Variants in GATB observed in about 807,000 individuals in gnomAD.
GATB encodes the protein glutamyl-tRNA amidotransferase subunit B.
GATB carries 39 observed loss-of-function variants against 62.3 expected under a neutral mutation model. The ratio of observed to expected loss-of-function variants is 0.63; its 90% confidence interval spans 0.48 to 0.82. The LOEUF (loss-of-function observed/expected upper bound fraction) is 0.82. Ranked by LOEUF, GATB falls within the 40% of genes least tolerant of loss-of-function variation. The pLI is 0.00. For synonymous variants in GATB, 276 were observed against 258.9 expected (o/e 1.07, Z -0.63); for missense variants, 670 against 684.0 (o/e 0.98, Z 0.23).
intron 10 of GATB, among the ~76,000 whole-genome samples, chr4:151,680,832 T>C (rs780278913): frequency 7.2e-5 from 11 of 152,218 alleles, no homozygotes; most frequent in Non-Finnish European, 1.2e-4. Context: ...CCAGTGAGCA[T>C]TTCCTTTGCA....
At chr4:151,735,736 G>GTATATATATATATATA (rs137893198) in intron 2 of GATB, among the ~76,000 whole-genome samples, 2 of 104,064 alleles carry the variant, frequency 1.9e-5, no homozygotes, top group African/African-American at 8.6e-5. Flanking sequence ...AAACTGTGGT[G>GTATATATATATATATA]TATATATATA....
At chr4:151,690,425 AGGAAGTTCTGCTTAACTTAT>A (rs1738340367) in intron 9 of GATB, among the ~76,000 whole-genome samples, 2 of 152,264 alleles carry the variant, frequency 1.3e-5, no homozygotes, top group South Asian at 4.1e-4. Flanking sequence ...CAACTTGAAG[AGGAAGTTCTGCTTAACTTAT>A]GGAAAAGTAT....
intron 2 of GATB, among the ~76,000 whole-genome samples, chr4:151,740,364 T>C (rs1739459637): frequency 6.6e-6 from 1 of 152,250 alleles, no homozygotes. Flanking sequence ...ACACCTAGGC[T>C]ACAGGGTATA....
At chr4:151,699,762 T>G (rs1738561032) in intron 9 of GATB, among the ~76,000 whole-genome samples, 1 of 150,386 alleles carries the variant, frequency 6.6e-6, no homozygotes, top group African/African-American at 2.5e-5. Flanking sequence ...TTCACTCTCT[T>G]ATGGAGACAG....
rs117864900 is a variant in GATB at position 151,686,192 on chromosome 4, C to T, written c.1331+2438G>A. Among the ~76,000 whole-genome samples the T allele has an allele frequency of 6.8e-4, 103 of 152,244 alleles. 1 individual carries two copies. In the East Asian group the frequency reaches 0.017, roughly 25 times the overall value. Reference sequence around the variant, plus strand: ...ACACCGAGGCCCACAACGTGCCGGGCACTGTGACTTTTTCCCTCAAAAGCT... The same window carrying T: ...ACACCGAGGCCCACAACGTGCCGGGTACTGTGACTTTTTCCCTCAAAAGCT... On this transcript the variant is annotated intron_variant, in intron 10 of 12. Transcript: ENST00000263985.
At chr4:151,702,414 C>T (rs1441140526) in intron 8 of GATB, among the ~76,000 whole-genome samples, 1 of 152,130 alleles carries the variant, frequency 6.6e-6, no homozygotes, top group Non-Finnish European at 1.5e-5. Context: ...CAGTGTGACA[C>T]GATGGTGGAT....
intron 10 of GATB, 37 bp downstream of exon 10, chr4:151,688,593 A>G (rs771268620): frequency 6.3e-7 from 1 of 1,583,790 alleles, no homozygotes; most frequent in Admixed American, 1.9e-5. Flanking sequence ...GACAGAGCTC[A>G]TCACAAAGGA....
intron 2 of GATB, among the ~76,000 whole-genome samples, chr4:151,735,877 T>C (rs903324883): frequency 4.7e-5 from 7 of 147,800 alleles, no homozygotes; most frequent in Admixed American, 4.7e-4. Context: ...GGAGGAAGAG[T>C]GGGAAGGGGG....
At chr4:151,718,791 GA>G (rs1241423726) in intron 3 of GATB, among the ~76,000 whole-genome samples, 3 of 152,168 alleles carry the variant, frequency 2.0e-5, no homozygotes, top group Non-Finnish European at 4.4e-5. Context: ...TCAATAGTAT[GA>G]AAAATTGGCT....
intron 2 of GATB, among the ~76,000 whole-genome samples, chr4:151,727,886 A>G (rs1739167579): frequency 6.6e-6 from 1 of 152,326 alleles, no homozygotes; most frequent in South Asian, 2.1e-4. Context: ...TCATATGTTA[A>G]CTTTTCCAGG....
intron 10 of GATB, among the ~76,000 whole-genome samples, chr4:151,688,156 T>C (rs1022334143): frequency 1.3e-5 from 2 of 152,132 alleles, no homozygotes; most frequent in African/African-American, 4.8e-5. Context: ...GTCTGCGTGA[T>C]CTGTCCCTCC....
intron 2 of GATB, among the ~76,000 whole-genome samples, chr4:151,741,239 T>C (rs992667514): frequency 6.6e-6 from 1 of 152,258 alleles, no homozygotes; most frequent in Admixed American, 6.5e-5. Context: ...CAAAGTTATA[T>C]GAATGTGGTC....
intron 12 of GATB, among the ~76,000 whole-genome samples, chr4:151,672,230 A>G (rs7696468): frequency 0.11 from 16,873 of 152,236 alleles, 989 homozygotes; most frequent in African/African-American, 0.13. Context: ...GTGCTGTGCT[A>G]AGAACACAAA....
At chr4:151,695,980 G>A (rs909527455) in intron 9 of GATB, among the ~76,000 whole-genome samples, 9 of 127,010 alleles carry the variant, frequency 7.1e-5, no homozygotes, top group Non-Finnish European at 1.6e-5. Context: ...ACTACACTAC[G>A]TTGTTGCCCA....
At chr4:151,731,901 TCCGGGAGGGAGGTGGGGGTCAGCCCCCG>T (rs1739264663) in intron 2 of GATB, among the ~76,000 whole-genome samples, 1 of 146,756 alleles carries the variant, frequency 6.8e-6, no homozygotes, top group Admixed American at 6.7e-5. Context: ...AGCCGCCCCA[TCCGGGAGGGAGGTGGGGGTCAGCCCCCG>T]CCGGGCCAGC....
chr4:151,719,506 C>G lies in GATB; in HGVS notation c.360G>C (p.Val120=), dbSNP rs1162327410. The change falls in exon 3 of 13, where the codon GTG becomes GTC. Residue 120 remains valine, a synonymous_variant. Coordinates refer to ENST00000263985, the MANE Select transcript of GATB (RefSeq NM_004564.3). ...GGCAGTTCAGAGCCAGGCCTGTCAT[C>G]ACCGCCGCTTCTACACACCTCCTGT... ...VLNRRCVEAA[V]MTGLALNCHI... is the part of the protein sequence containing the mutation. 1 of 1,610,110 alleles carries G rather than the reference C, an allele frequency of 6.2e-7. No individual in the cohort carries two copies. Among genetic ancestry groups the G allele is most frequent in the African/African-American group, 1.3e-5 (1 of 74,730 alleles).
chr4:151,691,789 GA>G (rs1316073622), intron 9 of GATB: 1 of 152,242 alleles, frequency 6.6e-6, no homozygotes. Flanking sequence ...GAACGAGGTG[GA>G]CTATATTTAT....
intron 2 of GATB, among the ~76,000 whole-genome samples, chr4:151,737,356 G>A (rs1270540727): frequency 6.6e-6 from 1 of 152,200 alleles, no homozygotes; most frequent in Non-Finnish European, 1.5e-5. Flanking sequence ...CTTTGAACTT[G>A]AGAGAGATGA....
chr4:151,689,507 C>T (rs1738319335), intron 9 of GATB, among the ~76,000 whole-genome samples: 1 of 152,146 alleles, frequency 6.6e-6, no homozygotes, highest in Non-Finnish European at 1.5e-5. Context: ...TACCACTTCT[C>T]CCCCTCTGAA....
Sources: gnomAD v4.1 joint callset for allele counts (sites outside exome capture counted in the v4.1 genomes callset) on GRCh38, gnomAD v4.1.1 for gene constraint, MANE v1.5 for transcripts, NCBI Gene and HGNC (gene_info 2026-07-23, HGNC 2026-07-21) for gene names.